PRDM11: variants seen among roughly 807,000 people sequenced by gnomAD.
The protein encoded by PRDM11 is PR/SET domain 11.
In PRDM11, 20 loss-of-function variants were observed where a neutral mutation model predicts 97.8. The ratio of observed to expected loss-of-function variants is 0.20; its 90% confidence interval spans 0.14 to 0.30. The LOEUF (loss-of-function observed/expected upper bound fraction) is 0.30. Among genes scored for constraint, PRDM11 ranks in the 10% least tolerant of loss-of-function variants. The probability of loss-of-function intolerance (pLI) is 1.00; values close to 1 mark genes in which losing one functional copy is unlikely to be tolerated. For synonymous variants in PRDM11, 599 were observed against 637.7 expected (o/e 0.94, Z 0.91); for missense variants, 1,139 against 1,555.2 (o/e 0.73, Z 4.50).
intron 6 of PRDM11, among the ~76,000 whole-genome samples, chr11:45,221,273 T>G (rs575309520): frequency 1.4e-4 from 22 of 152,314 alleles, no homozygotes; most frequent in African/African-American, 5.3e-4. Flanking sequence ...TTGGTTTCAC[T>G]TGGCAAGGTG....
upstream of PRDM11, chr11:45,095,761 T>C: frequency 2.8e-6 from 2 of 704,934 alleles, no homozygotes; most frequent in Non-Finnish European, 2.6e-6. Context: ...GCAGATACGA[T>C]GGCTACAGCT....
At chr11:45,157,018 CT>C (rs1380696569) in intron 1 of PRDM11, among the ~76,000 whole-genome samples, 2 of 151,780 alleles carry the variant, frequency 1.3e-5, no homozygotes, top group African/African-American at 4.8e-5. Flanking sequence ...GCCTTGAATG[CT>C]GTGTGAAGGA....
chr11:45,108,290 C>T (rs1590340888), intron 1 of PRDM11, among the ~76,000 whole-genome samples: 1 of 152,330 alleles, frequency 6.6e-6, no homozygotes, highest in South Asian at 2.1e-4. Context: ...GCTGCCCTGG[C>T]CTCTTACGTG....
chr11:45,226,538 A>G lies in PRDM11; in HGVS notation c.1913A>G (p.His638Arg), dbSNP rs1287641202. The G allele has an allele frequency of 6.5e-7, 1 of 1,533,954 alleles. No individual in the cohort carries two copies. Among genetic ancestry groups the G allele is most frequent in the East Asian group, 2.4e-5 (1 of 40,900 alleles). ...MNEGDCQILI[H>R]HIARALREDL... ...GAGGGAGACTGCCAGATCCTCATCC[A>G]TCACATCGCCCGGGCCCTGCGGGAA... The change falls in exon 8 of 8, where the codon CAT becomes CGT. Residue 638 changes from histidine to arginine, a missense_variant. Around this residue, in one of 2 missense-constraint regions of PRDM11, gnomAD observed 710 missense variants for 1,044.9 expected, o/e 0.68. Transcript: ENST00000683152.
chr11:45,163,487 A>AT (rs997392530), intron 1 of PRDM11, among the ~76,000 whole-genome samples: 2 of 24,692 alleles, frequency 8.1e-5, no homozygotes, highest in Non-Finnish European at 2.0e-4. Flanking sequence ...GTGCTTGAGG[A>AT]TGGGGGGGGG....
At chr11:45,147,217 G>A (rs1851536675) in intron 1 of PRDM11, 1 of 151,904 alleles carries the variant, frequency 6.6e-6, no homozygotes, top group South Asian at 2.1e-4. Context: ...CGCGCCCGCT[G>A]ACGGACGTGG....
chr11:45,147,139 C>T (rs1287982874), intron 1 of PRDM11, among the ~76,000 whole-genome samples: 1 of 151,466 alleles, frequency 6.6e-6, no homozygotes, highest in Non-Finnish European at 1.5e-5. Context: ...GGCCGCCCTC[C>T]GCCTCCTTCC....
intron 6 of PRDM11, among the ~76,000 whole-genome samples, chr11:45,222,485 T>C (rs1854147396): frequency 6.6e-6 from 1 of 152,210 alleles, no homozygotes; most frequent in Non-Finnish European, 1.5e-5. Context: ...CTGTAAGACA[T>C]ACAGGTGGCA....
chr11:45,225,826 A>G (rs963457590), intron 7 of PRDM11, among the ~76,000 whole-genome samples, 169 bp from the exon 8 acceptor site: 1 of 152,208 alleles, frequency 6.6e-6, no homozygotes, highest in African/African-American at 2.4e-5. Flanking sequence ...ATGGGCAAGC[A>G]GGAGTGCTCA....
At chr11:45,157,352 T>C (rs1054161559) in intron 1 of PRDM11, among the ~76,000 whole-genome samples, 3 of 152,160 alleles carry the variant, frequency 2.0e-5, no homozygotes, top group African/African-American at 7.2e-5. Context: ...AGCCCTCGCA[T>C]GCGCAGTTCA....
intron 1 of PRDM11, among the ~76,000 whole-genome samples, chr11:45,097,567 G>A (rs180943265): frequency 3.9e-5 from 6 of 152,320 alleles, no homozygotes; most frequent in African/African-American, 1.2e-4. Context: ...AAACTCAAGT[G>A]TCGCTCAGAT....
intron 1 of PRDM11, among the ~76,000 whole-genome samples, chr11:45,165,512 T>G (rs1266740768): frequency 6.6e-6 from 1 of 152,086 alleles, no homozygotes; most frequent in African/African-American, 2.4e-5. Flanking sequence ...GGCCGCACAC[T>G]CAGATGCCCA....
At chr11:45,201,803 T>TA (rs375086298) in intron 4 of PRDM11, among the ~76,000 whole-genome samples, 6,531 of 150,878 alleles carry the variant, frequency 0.043, 206 homozygotes, top group Non-Finnish European at 0.068. Flanking sequence ...CTGTCTCTAC[T>TA]AAAAAAAAAC....
chr11:45,163,909 G>C (rs1001775222), intron 1 of PRDM11, among the ~76,000 whole-genome samples: 5 of 152,182 alleles, frequency 3.3e-5, no homozygotes, highest in Non-Finnish European at 5.9e-5. Flanking sequence ...ATGACGGTGT[G>C]GTGGGGCTCG....
chr11:45,219,586 C>T lies in PRDM11; in HGVS notation c.571C>T (p.Arg191Trp), dbSNP rs773640697. 7 of 1,613,704 alleles carry T rather than the reference C, an allele frequency of 4.3e-6. No individual in the cohort carries two copies. The African/African-American group carries it at 5.3e-5, about 12-fold the overall frequency. Residue 191 changes from arginine (R) to tryptophan (W), a missense_variant, in exon 6 of 8, where the codon CGG (arginine) becomes TGG (tryptophan). Arg to Trp is a moderately radical substitution (Grantham distance 101, BLOSUM62 -3). Transcript: ENST00000683152. The surrounding 1 kb of genome is among the most constrained non-coding windows in gnomAD (Gnocchi z 4.2). Reference sequence around the variant, plus strand: ...CCCCACCAGGTACGTGGTCATCTCCCGGGAGGAGAGGGAGCAGAACCTGCT... The same window carrying T: ...CCCCACCAGGTACGTGGTCATCTCCTGGGAGGAGAGGGAGCAGAACCTGCT... Reference protein sequence around the residue: ...ANWMRYVVISREEREQNLLAF... With the variant: ...ANWMRYVVISWEEREQNLLAF...
chr11:45,195,285 G>A (rs1016861737), intron 4 of PRDM11, among the ~76,000 whole-genome samples: 8 of 152,044 alleles, frequency 5.3e-5, no homozygotes, highest in Non-Finnish European at 1.2e-4. Flanking sequence ...TATATTCACA[G>A]GTATGTGCAA....
At chr11:45,207,466 G>A (rs1403474950) in intron 5 of PRDM11, among the ~76,000 whole-genome samples, 3 of 152,070 alleles carry the variant, frequency 2.0e-5, no homozygotes, top group Non-Finnish European at 4.4e-5. Flanking sequence ...ATGTTTGATG[G>A]TTGGATGCTA....
Position 45,191,495 on chromosome 11 carries a change from T to C in PRDM11, c.486+8372T>C, listed in dbSNP as rs141083131. On this transcript the variant is annotated intron_variant, in intron 4 of 7. Coordinates refer to ENST00000683152, the MANE Select transcript of PRDM11 (RefSeq NM_001384648.1). ...TCCTCATTTAAAGCTATTTTTAGTA[T>C]TCATATGAACATGAATTCTTTTTTT... Among the ~76,000 whole-genome samples the C allele has an allele frequency of 2.6e-4, 40 of 152,376 alleles. 1 individual carries two copies. The Middle Eastern group carries it at 0.01, about 39-fold the overall frequency.
chr11:45,212,556 C>A (rs764356859), intron 5 of PRDM11: 2 of 456,136 alleles, frequency 4.4e-6, no homozygotes, highest in Non-Finnish European at 8.8e-6. Flanking sequence ...GCCCACCTGG[C>A]CAGGCCCGCC....
Sources: allele counts gnomAD v4.1 joint callset (sites outside exome capture counted in the v4.1 genomes callset), GRCh38; gene constraint gnomAD v4.1.1; regional missense constraint gnomAD v4.1.1; non-coding constraint Gnocchi (gnomAD v3.1); transcripts MANE v1.5; gene names NCBI Gene and HGNC (gene_info 2026-07-23, HGNC 2026-07-21).